Variants in CDC42SE2 observed in about 807,000 individuals in gnomAD.
The protein encoded by CDC42SE2 is CDC42 small effector 2, also known as CDC42 small effector protein 2.
Under a neutral mutation model 11.5 loss-of-function variants are expected in CDC42SE2, and 3 were observed. The ratio of observed to expected loss-of-function variants is 0.26; its 90% confidence interval spans 0.12 to 0.67. CDC42SE2 has a LOEUF of 0.67. Among genes scored for constraint, CDC42SE2 ranks in the 30% least tolerant of loss-of-function variants. The probability of loss-of-function intolerance (pLI) is 0.80; values close to 1 mark genes in which losing one functional copy is unlikely to be tolerated. For synonymous variants in CDC42SE2, 33 were observed against 34.8 expected, an observed-to-expected ratio of 0.95 and a Z score of 0.18; for missense variants, 82 against 106.8, an observed-to-expected ratio of 0.77 and a Z score of 1.02.
At chr5:131,321,624 T>G (rs1287519143) in intron 2 of CDC42SE2, among the ~76,000 whole-genome samples, 2 of 152,156 alleles carry the variant, frequency 1.3e-5, no homozygotes, top group African/African-American at 4.8e-5. Context: ...ATAAAGTATC[T>G]GTGAAAGGCT....
chr5:131,289,853 TC>T (rs1418929132), intron 1 of CDC42SE2, among the ~76,000 whole-genome samples: 1 of 151,964 alleles, frequency 6.6e-6, no homozygotes, highest in African/African-American at 2.4e-5. Context: ...TTTTTTTCCT[TC>T]TTAGAAACAG....
upstream of CDC42SE2, among the ~76,000 whole-genome samples, chr5:131,262,013 T>C (rs966762621): frequency 1.3e-5 from 2 of 151,952 alleles, no homozygotes; most frequent in Non-Finnish European, 2.9e-5. Flanking sequence ...TTACAAAATA[T>C]GAAAAATCTG....
intron 2 of CDC42SE2, among the ~76,000 whole-genome samples, chr5:131,336,173 A>C (rs1302993326): frequency 6.6e-6 from 1 of 152,206 alleles, no homozygotes; most frequent in Non-Finnish European, 1.5e-5. Context: ...GGTGGTGACA[A>C]AATCTCTCAG....
At chr5:131,216,561 G>A in the CDC42SE2 span, among the ~76,000 whole-genome samples, 6 of 150,726 alleles carry the variant, frequency 4.0e-5, no homozygotes, top group Non-Finnish European at 7.4e-5. Flanking sequence ...TGTCATAAGG[G>A]TTTGTGAAAA....
At chr5:131,308,910 C>T (rs1198289510) in intron 1 of CDC42SE2, among the ~76,000 whole-genome samples, 1 of 151,852 alleles carries the variant, frequency 6.6e-6, no homozygotes, top group East Asian at 1.9e-4. Flanking sequence ...ATTTGACTTC[C>T]TCTTTTCCTA....
intron 1 of CDC42SE2, among the ~76,000 whole-genome samples, chr5:131,269,176 G>A: frequency 6.6e-6 from 1 of 152,084 alleles, no homozygotes; most frequent in East Asian, 1.9e-4. Flanking sequence ...AGACTGCTTT[G>A]GGCCCTCATC....
At chr5:131,363,675 C>A (rs112520618) in intron 3 of CDC42SE2, among the ~76,000 whole-genome samples, 1 of 148,876 alleles carries the variant, frequency 6.7e-6, no homozygotes, top group Non-Finnish European at 1.5e-5. Context: ...CCGCGCCCGG[C>A]CTTTTTTTTT....
At chr5:131,321,725 G>C (rs2549011) in intron 2 of CDC42SE2, among the ~76,000 whole-genome samples, 64,678 of 151,274 alleles carry the variant, frequency 0.43, 17,746 homozygotes, top group African/African-American at 0.78. Context: ...CTTCCCCCCC[G>C]CCAAAATCAT....
In CDC42SE2 at chr5:131,359,442, C is replaced by A; in HGVS notation, c.-52C>A. 1 of 1,395,356 alleles carries A rather than the reference C, an allele frequency of 7.2e-7. No individual in the cohort carries two copies. The highest frequency in any genetic ancestry group is 1.0e-6 in the Non-Finnish European group (1 of 980,444). The allele number at this position is 1,395,356 out of a possible 1,614,324, so 86.4% of individuals were successfully genotyped here. On this transcript the variant is annotated 5_prime_UTR_variant, in exon 3 of 5. Transcript: ENST00000505065. ...TGAGGAGCGTATTTTTGGAACTTCC[C>A]GAGTTGAGATTTGGAACCTTCATTG...
chr5:131,287,729 C>T lies in CDC42SE2; in HGVS notation c.-455+23563C>T, dbSNP rs180848510. Among the ~76,000 whole-genome samples the T allele has an allele frequency of 3.3e-4, 50 of 152,236 alleles. No individual in the cohort carries two copies. In the East Asian group the frequency reaches 9.1e-3, roughly 28 times the overall value. ...GTTCCAGTGATCCGCCCTCTTCGGCCTCCCAAAGTGTTGGAATTACAGGTG... is the reference window on the plus strand; with the variant it reads ...GTTCCAGTGATCCGCCCTCTTCGGCTTCCCAAAGTGTTGGAATTACAGGTG... On this transcript the variant is annotated intron_variant, in intron 1 of 4. Transcript: ENST00000505065.
At chr5:131,340,854 T>G (rs1304543570) in intron 2 of CDC42SE2, among the ~76,000 whole-genome samples, 3 of 152,068 alleles carry the variant, frequency 2.0e-5, no homozygotes, top group African/African-American at 7.2e-5. Flanking sequence ...ATTTTTGTCT[T>G]TTTAGTAGAG....
At chr5:131,239,314 G>A in the CDC42SE2 span, among the ~76,000 whole-genome samples, 1 of 151,936 alleles carries the variant, frequency 6.6e-6, no homozygotes, top group East Asian at 1.9e-4. Flanking sequence ...GCTTATGCAT[G>A]TAATTCCAGC....
At chr5:131,331,553 G>C (rs1233358702) in intron 2 of CDC42SE2, among the ~76,000 whole-genome samples, 4 of 152,068 alleles carry the variant, frequency 2.6e-5, no homozygotes. Context: ...AGTATATAGT[G>C]AAATATATGA....
At chr5:131,307,529 G>A (rs1392044336) in intron 1 of CDC42SE2, among the ~76,000 whole-genome samples, 10 of 151,978 alleles carry the variant, frequency 6.6e-5, no homozygotes, top group South Asian at 2.1e-4. Flanking sequence ...GTAAACATAC[G>A]TGTGCATGTG....
chr5:131,292,532 C>T (rs1757478572), intron 1 of CDC42SE2, among the ~76,000 whole-genome samples: 1 of 143,822 alleles, frequency 7.0e-6, no homozygotes, highest in African/African-American at 2.6e-5. Context: ...TGCACTCCAG[C>T]CCGGGTGACA....
At chr5:131,254,729 G>C (rs972253527) in intron 1 of CDC42SE2, among the ~76,000 whole-genome samples, 1 of 151,988 alleles carries the variant, frequency 6.6e-6, no homozygotes, top group Non-Finnish European at 1.5e-5. Flanking sequence ...CTAGTCCAAT[G>C]TTTTTAAAGG....
chr5:131,316,516 T>G (rs1427810305), intron 2 of CDC42SE2, among the ~76,000 whole-genome samples: 1 of 152,224 alleles, frequency 6.6e-6, no homozygotes, highest in Non-Finnish European at 1.5e-5. Context: ...TTGGGAGTGA[T>G]TGTTTTAGGA....
chr5:131,275,221 T>A (rs1337154989), intron 1 of CDC42SE2, among the ~76,000 whole-genome samples: 2 of 152,058 alleles, frequency 1.3e-5, no homozygotes, highest in African/African-American at 4.8e-5. Flanking sequence ...TATTTTTTTT[T>A]AAAGTGATGT....
chr5:131,212,573 C>T, the CDC42SE2 span, among the ~76,000 whole-genome samples: 1 of 152,198 alleles, frequency 6.6e-6, no homozygotes, highest in Non-Finnish European at 1.5e-5. Context: ...CTCTCTGCTA[C>T]ACTCACCACT....
Sources: gnomAD v4.1 joint callset for allele counts (sites outside exome capture counted in the v4.1 genomes callset) on GRCh38, gnomAD v4.1.1 for gene constraint, MANE v1.5 for transcripts, NCBI Gene and HGNC (gene_info 2026-07-23, HGNC 2026-07-21) for gene names.